The following CDH4 variants were observed in gnomAD, a reference collection of about 807,000 sequenced individuals.
CDH4 encodes cadherin-4.
Under a neutral mutation model 86.0 loss-of-function variants are expected in CDH4, and 33 were observed. The ratio of observed to expected loss-of-function variants is 0.38; its 90% CI spans 0.29 to 0.51. CDH4 has a LOEUF of 0.51. Ranked by LOEUF, CDH4 falls within the 20% of genes least tolerant of loss-of-function variation. The pLI, the probability that CDH4 is intolerant of heterozygous loss-of-function variation, is 0.86. For synonymous variants in CDH4, 555 were observed against 549.4 expected (o/e 1.01, Z -0.14); for missense variants, 1,114 against 1,307.4 (o/e 0.85, Z 2.28).
chr20:61,872,778 C>T (rs1181180997), intron 6 of CDH4, among the ~76,000 whole-genome samples: 5 of 152,234 alleles, frequency 3.3e-5, no homozygotes, highest in Non-Finnish European at 5.9e-5. Flanking sequence ...GCCCGCCGTG[C>T]CAGCATCAGG....
chr20:61,571,801 C>G (rs1326870916), intron 2 of CDH4, among the ~76,000 whole-genome samples: 4 of 148,782 alleles, frequency 2.7e-5, no homozygotes, highest in African/African-American at 9.9e-5. Context: ...CCCCTCCCTG[C>G]CCCCAGATCC....
chr20:61,698,463 A>G (rs966547135), intron 2 of CDH4, among the ~76,000 whole-genome samples: 1 of 152,216 alleles, frequency 6.6e-6, no homozygotes, highest in Non-Finnish European at 1.5e-5. Flanking sequence ...TCAGAAACCA[A>G]GGCAAGGAGC....
chr20:61,496,377 G>A (rs550385404), intron 2 of CDH4, among the ~76,000 whole-genome samples: 7 of 151,246 alleles, frequency 4.6e-5, no homozygotes, highest in Non-Finnish European at 1.0e-4. Context: ...ACTCCAGCCT[G>A]GGCAACAGAG....
chr20:61,915,600 G>A (rs1342908), intron 9 of CDH4, among the ~76,000 whole-genome samples: 2,769 of 152,330 alleles, frequency 0.018, 71 homozygotes, highest in African/African-American at 0.063. Context: ...TGTGACACGC[G>A]ATGGGTCTCC....
Position 61,383,165 on chromosome 20 carries a change from ATATGAATATATT to A in CDH4, c.169+128240_169+128251del, listed in dbSNP as rs1396344339. ...ATGAATATATATGAATATATTATAT[ATATGAATATATT>A]TATGAATATATATGAATATATTTAT... is the stretch of plus-strand genomic sequence containing the variant. On this transcript the variant is annotated intron_variant, in intron 2 of 15. Transcript: ENST00000614565. Among the ~76,000 whole-genome samples, 3 of 87,326 alleles carry A rather than the reference ATATGAATATATT, an allele frequency of 3.4e-5. 1 individual carries two copies. Among genetic ancestry groups the A allele is most frequent in the African/African-American group, 1.2e-4 (2 of 16,794 alleles). 57.3% of individuals were successfully genotyped at this position (87,326 alleles called of 152,430 possible). A position where few individuals can be genotyped will look rare whatever the true frequency, so the allele number is the denominator to read the frequency against.
intron 4 of CDH4, among the ~76,000 whole-genome samples, chr20:61,808,503 T>C (rs1020528013): frequency 1.3e-5 from 2 of 152,130 alleles, no homozygotes; most frequent in African/African-American, 2.4e-5. Context: ...TAGATCTTAA[T>C]GATGTGTAGG....
intron 2 of CDH4, among the ~76,000 whole-genome samples, chr20:61,358,650 G>C (rs2084766700): frequency 6.6e-6 from 1 of 152,208 alleles, no homozygotes; most frequent in South Asian, 2.1e-4. Flanking sequence ...CAAATGCACG[G>C]CCCTTCCCTG....
At chr20:61,423,919 C>G (rs1174117067) in intron 2 of CDH4, among the ~76,000 whole-genome samples, 8 of 152,200 alleles carry the variant, frequency 5.3e-5, no homozygotes. Context: ...CGCACACATG[C>G]AGGCTGTGCA....
intron 2 of CDH4, among the ~76,000 whole-genome samples, chr20:61,537,138 T>A (rs1349576079): frequency 6.6e-6 from 1 of 152,150 alleles, no homozygotes; most frequent in Non-Finnish European, 1.5e-5. Flanking sequence ...AAGGCTGAGG[T>A]CTACATCATT....
chr20:61,800,080 C>A (rs1979749406), intron 4 of CDH4, among the ~76,000 whole-genome samples: 1 of 152,226 alleles, frequency 6.6e-6, no homozygotes, highest in Non-Finnish European at 1.5e-5. Context: ...CCCCAGCCCA[C>A]AGCATGGTCC....
chr20:61,324,629 T>C (rs2084527212), intron 2 of CDH4, among the ~76,000 whole-genome samples: 2 of 152,224 alleles, frequency 1.3e-5, no homozygotes, highest in Non-Finnish European at 2.9e-5. Flanking sequence ...TAGTCTGGTA[T>C]GAACTCATCT....
intron 2 of CDH4, among the ~76,000 whole-genome samples, chr20:61,401,327 A>G (rs1453487998): frequency 6.6e-5 from 10 of 152,212 alleles, no homozygotes; most frequent in Admixed American, 3.3e-4. Context: ...TGCCTGGTAC[A>G]TTGCAGGCTT....
chr20:61,573,530 C>T (rs1239288302), intron 2 of CDH4, among the ~76,000 whole-genome samples: 1 of 152,172 alleles, frequency 6.6e-6, no homozygotes, highest in African/African-American at 2.4e-5. Context: ...GTCCTTGGGT[C>T]CCTGTTGGCA....
At chr20:61,357,589 G>T (rs1338617301) in intron 2 of CDH4, among the ~76,000 whole-genome samples, 1 of 152,196 alleles carries the variant, frequency 6.6e-6, no homozygotes, top group Non-Finnish European at 1.5e-5. Context: ...CAGCCCCCAG[G>T]GGGAACCTGG....
intron 2 of CDH4, among the ~76,000 whole-genome samples, chr20:61,699,297 G>C (rs2087748238): frequency 6.6e-6 from 1 of 152,240 alleles, no homozygotes; most frequent in African/African-American, 2.4e-5. Context: ...AGGGGGCAGA[G>C]AGGCAGGGTC....
chr20:61,322,204 G>T (rs1212257400), intron 2 of CDH4, among the ~76,000 whole-genome samples: 1 of 152,192 alleles, frequency 6.6e-6, no homozygotes. Flanking sequence ...GCTGGCCTGT[G>T]GTTGGGAGCT....
intron 2 of CDH4, among the ~76,000 whole-genome samples, chr20:61,257,603 T>C (rs1205026067): frequency 1.3e-5 from 2 of 152,258 alleles, no homozygotes; most frequent in Admixed American, 1.3e-4. Context: ...GTTTTTAGGA[T>C]AATTCACTTA....
intron 2 of CDH4, among the ~76,000 whole-genome samples, chr20:61,535,748 C>T (rs540751059): frequency 8.5e-4 from 130 of 152,182 alleles, no homozygotes; most frequent in Non-Finnish European, 3.2e-4. Flanking sequence ...CCTTCAGTGC[C>T]GGTCCTTTGG....
chr20:61,519,473 C>T (rs1181650147), intron 2 of CDH4, among the ~76,000 whole-genome samples: 14 of 152,238 alleles, frequency 9.2e-5, no homozygotes, highest in Non-Finnish European at 5.9e-5. Flanking sequence ...AAAGGAGCTA[C>T]ATTTGTTGTC....
Sources: allele counts gnomAD v4.1 joint callset (sites outside exome capture counted in the v4.1 genomes callset), GRCh38; gene constraint gnomAD v4.1.1; transcripts MANE v1.5; gene names NCBI Gene and HGNC (gene_info 2026-07-23, HGNC 2026-07-21).